The following SLC30A7 variants were observed in gnomAD, a reference collection of about 807,000 sequenced individuals.
The protein encoded by SLC30A7 is solute carrier family 30 member 7.
A neutral mutation model predicts 46.0 loss-of-function variants in SLC30A7; 35 were observed. That is an observed-to-expected ratio of 0.76 (90% confidence interval 0.58 to 1.01). SLC30A7 has a LOEUF of 1.01. SLC30A7 is among the 50% of genes least tolerant of loss of function. The probability of loss-of-function intolerance (pLI) is 0.00; values close to 1 mark genes in which losing one functional copy is unlikely to be tolerated. For missense variants in SLC30A7, 464 were observed against 451.1 expected (o/e 1.03, Z -0.26); for synonymous variants, 147 against 157.8 (o/e 0.93, Z 0.51).
intron 8 of SLC30A7, among the ~76,000 whole-genome samples, chr1:100,948,104 G>T (rs1182436250): frequency 6.6e-6 from 1 of 152,110 alleles, no homozygotes; most frequent in Non-Finnish European, 1.5e-5. Flanking sequence ...ATGTTAGCTG[G>T]TTATTTTGCC....
chr1:100,977,015 T>C lies in SLC30A7; in HGVS notation c.*2158T>C, dbSNP rs1275538123. 1 of 80,360 alleles carries C rather than the reference T, an allele frequency of 1.2e-5. No individual in the cohort carries two copies. The highest frequency in any genetic ancestry group is 2.8e-5 in the Non-Finnish European group (1 of 36,238). The allele number at this position is 80,360 out of a possible 1,614,324, so 5.0% of individuals were successfully genotyped here. On this transcript the variant is annotated 3_prime_UTR_variant, in exon 11 of 11. Transcript: ENST00000357650. ...GTTTTTCTACAAATATAAGTAGTCATTAGAAGTTTGCAACCACCACCAAGT... is the reference window on the plus strand; with the variant it reads ...GTTTTTCTACAAATATAAGTAGTCACTAGAAGTTTGCAACCACCACCAAGT...
chr1:100,994,767 T>A, the SLC30A7 span, among the ~76,000 whole-genome samples: 13 of 152,246 alleles, frequency 8.5e-5, no homozygotes, highest in East Asian at 2.1e-3. Context: ...CCTCAAACAA[T>A]CCACCTGCCT....
At position 100,975,540 on chromosome 1, in the gene SLC30A7, A is replaced by G. The variant is rs1656417204; in HGVS notation, c.*683A>G. On this transcript the variant is annotated 3_prime_UTR_variant, in exon 11 of 11. Transcript: ENST00000357650. ...TGTTTTATTTTTGTTTTTATTTTTTATTTTTTGAGATGGAGTCTCGCTCTG... is the reference window on the plus strand; with the variant it reads ...TGTTTTATTTTTGTTTTTATTTTTTGTTTTTTGAGATGGAGTCTCGCTCTG... 6.6e-6 allele frequency: 1 copy of G among 152,262 alleles called. No individual in the cohort carries two copies. Among genetic ancestry groups the G allele is most frequent in the Admixed American group, 6.6e-5 (1 of 15,222 alleles). 9.4% of individuals were successfully genotyped at this position (152,262 alleles called of 1,614,324 possible).
At chr1:100,974,725 TA>T in intron 10 of SLC30A7, 84 bp from the exon 11 acceptor site, 1 of 1,008,540 alleles carries the variant, frequency 9.9e-7, no homozygotes, top group Non-Finnish European at 1.4e-6. Flanking sequence ...GTGAGATTTG[TA>T]AAAGAAAAAA....
In SLC30A7 at chr1:100,928,464, T is replaced by A. The variant is rs576548633; in HGVS notation, c.842+6623T>A. Among the ~76,000 whole-genome samples the A allele has an allele frequency of 5.9e-5, 9 of 152,290 alleles. No homozygotes were observed. The South Asian group carries it at 8.3e-4, about 14-fold the overall frequency. On this transcript the variant is annotated intron_variant, in intron 8 of 10. Coordinates refer to ENST00000357650, the MANE Select transcript of SLC30A7 (RefSeq NM_133496.5). ...ATTGCATATTTAAAAGTAGTTTTTT[T>A]AATTATGGGAATAATTATGTTGACA...
In SLC30A7 at chr1:100,929,559, T is replaced by A. The variant is rs191127917; in HGVS notation, c.842+7718T>A. Among the ~76,000 whole-genome samples the A allele has an allele frequency of 3.0e-3, 456 of 152,228 alleles. 1 individual carries two copies. The highest frequency in any genetic ancestry group is 0.011 in the African/African-American group (439 of 41,558). ...TTATATATTCAGTATTTGCAGTTCA[T>A]CAATAGCAAGAGAAATAGTGGCACT... On this transcript the variant is annotated intron_variant, in intron 8 of 10. Coordinates refer to ENST00000357650, the MANE Select transcript of SLC30A7 (RefSeq NM_133496.5).
At chr1:100,925,423 AG>A (rs1302686737) in intron 8 of SLC30A7, among the ~76,000 whole-genome samples, 2 of 152,186 alleles carry the variant, frequency 1.3e-5, no homozygotes, top group African/African-American at 4.8e-5. Context: ...ATAGATTATA[AG>A]GGGGCACAAG....
chr1:100,941,723 C>T, intron 8 of SLC30A7: 1 of 641,252 alleles, frequency 1.6e-6, no homozygotes, highest in Non-Finnish European at 2.9e-6. Context: ...CTTCCATCCA[C>T]CTTGTGTAGC....
intron 7 of SLC30A7, among the ~76,000 whole-genome samples, chr1:100,920,460 A>G (rs1351299860): frequency 6.6e-6 from 1 of 152,036 alleles, no homozygotes; most frequent in Non-Finnish European, 1.5e-5. Flanking sequence ...TATTTTTAAG[A>G]AAGTTGTTCT....
At chr1:100,993,293 C>T in the SLC30A7 span, among the ~76,000 whole-genome samples, 1 of 151,958 alleles carries the variant, frequency 6.6e-6, no homozygotes, top group African/African-American at 2.4e-5. Context: ...TGGCTCATGC[C>T]TGTAATCCCA....
At chr1:100,944,206 G>A (rs545001622) in intron 8 of SLC30A7, among the ~76,000 whole-genome samples, 24 of 152,142 alleles carry the variant, frequency 1.6e-4, no homozygotes, top group East Asian at 5.8e-4. Flanking sequence ...ACACCACCAC[G>A]CCTGGCTAAT....
chr1:100,899,819 A>T (rs994150192), intron 2 of SLC30A7, among the ~76,000 whole-genome samples: 1 of 146,638 alleles, frequency 6.8e-6, no homozygotes, highest in African/African-American at 2.5e-5. Context: ...AGGTGTGCAC[A>T]TTTTTTTTTT....
intron 2 of SLC30A7, among the ~76,000 whole-genome samples, chr1:100,906,619 G>A (rs1043148331): frequency 2.0e-4 from 30 of 152,266 alleles, no homozygotes; most frequent in African/African-American, 7.0e-4. Context: ...GCAGCAGATG[G>A]TTTTTGTTTC....
intron 8 of SLC30A7, among the ~76,000 whole-genome samples, chr1:100,957,019 T>C (rs1655259059): frequency 6.6e-6 from 1 of 152,262 alleles, no homozygotes; most frequent in Admixed American, 6.5e-5. Context: ...CTATATTATT[T>C]ATTTTTGTAT....
intron 8 of SLC30A7, among the ~76,000 whole-genome samples, chr1:100,944,473 G>T (rs1297150948): frequency 2.6e-5 from 4 of 151,842 alleles, no homozygotes; most frequent in East Asian, 3.8e-4. Flanking sequence ...AAAAAAATTG[G>T]CTCCTTTTGG....
chr1:100,969,131 TTA>T (rs1656016864), intron 10 of SLC30A7, among the ~76,000 whole-genome samples: 1 of 152,226 alleles, frequency 6.6e-6, no homozygotes, highest in Non-Finnish European at 1.5e-5. Context: ...CTGGTACCAC[TTA>T]TTTATTTCAG....
At chr1:100,900,578 A>C (rs1159257021) in intron 2 of SLC30A7, among the ~76,000 whole-genome samples, 1 of 152,228 alleles carries the variant, frequency 6.6e-6, no homozygotes, top group East Asian at 1.9e-4. Context: ...TTTATTTCCC[A>C]CCTTAAAAAC....
chr1:100,941,595 T>C, intron 8 of SLC30A7: 1 of 583,512 alleles, frequency 1.7e-6, no homozygotes, highest in Non-Finnish European at 3.3e-6. Context: ...AAATAATCTC[T>C]TAGGTGATGT....
chr1:100,905,780 A>G (rs1242782247), intron 2 of SLC30A7, among the ~76,000 whole-genome samples: 1 of 152,096 alleles, frequency 6.6e-6, no homozygotes, highest in African/African-American at 2.4e-5. Flanking sequence ...GAAATTATTC[A>G]TTTGTTAATG....
Sources: allele counts gnomAD v4.1 joint callset (sites outside exome capture counted in the v4.1 genomes callset), GRCh38; gene constraint gnomAD v4.1.1; transcripts MANE v1.5; gene names NCBI Gene and HGNC (gene_info 2026-07-23, HGNC 2026-07-21).